The following USP33 variants were observed in gnomAD, a reference collection of about 807,000 sequenced individuals.
USP33 encodes the protein ubiquitin specific peptidase 33, also known as ubiquitin carboxyl-terminal hydrolase 33.
Under a neutral mutation model 124.2 loss-of-function variants are expected in USP33, and 46 were observed. The ratio of observed to expected loss-of-function variants is 0.37; its 90% CI spans 0.29 to 0.47. The LOEUF is 0.47. Ranked by LOEUF, USP33 falls within the 20% of genes least tolerant of loss-of-function variation. The pLI is 0.99. For missense variants in USP33, 851 were observed against 1,070.6 expected (o/e 0.79, Z 2.86); for synonymous variants, 350 against 352.3 (o/e 0.99, Z 0.07).
Position 77,746,222 on chromosome 1 carries a change from T to TA in USP33, c.-51-4475dup, listed in dbSNP as rs1679726561. Among the ~76,000 whole-genome samples, 4 of 152,174 alleles carry TA rather than the reference T, an allele frequency of 2.6e-5. No individual in the cohort carries two copies. The South Asian group carries it at 8.3e-4, about 32-fold the overall frequency. On this transcript the variant is annotated intron_variant, in intron 1 of 23. Transcript: ENST00000370794. ...GATATCACCACCAATCCCACAGAAATACAGACTACGATCAGAGAATACTAT... is the reference window on the plus strand; with the variant it reads ...GATATCACCACCAATCCCACAGAAATAACAGACTACGATCAGAGAATACTAT...
chr1:77,725,799 G>T (rs1019328647), intron 10 of USP33, 37 bp from the exon 11 acceptor site: 1 of 1,550,322 alleles, frequency 6.5e-7, no homozygotes, highest in Non-Finnish European at 8.8e-7. Flanking sequence ...ACCTTAAATA[G>T]TAAAATTATT....
intron 21 of USP33, among the ~76,000 whole-genome samples, chr1:77,706,011 C>A (rs116239067): frequency 0.022 from 3,352 of 152,294 alleles, 44 homozygotes; most frequent in Middle Eastern, 0.068. Flanking sequence ...TGCTGAGTAG[C>A]ATTTTATTAT....
chr1:77,718,152 G>A, intron 16 of USP33, 105 bp from the exon 17 acceptor site: 1 of 942,478 alleles, frequency 1.1e-6, no homozygotes, highest in East Asian at 2.6e-5. Context: ...AAGAAACTGA[G>A]GTGTTCAATC....
At chr1:77,713,728 C>T (rs930472050) in intron 19 of USP33, among the ~76,000 whole-genome samples, 1 of 151,842 alleles carries the variant, frequency 6.6e-6, no homozygotes, top group Non-Finnish European at 1.5e-5. Flanking sequence ...ACTCTGTCAC[C>T]CAGGCTGGAG....
intron 1 of USP33, among the ~76,000 whole-genome samples, chr1:77,751,163 T>G (rs1680297385): frequency 6.6e-6 from 1 of 152,218 alleles, no homozygotes; most frequent in Non-Finnish European, 1.5e-5. Flanking sequence ...TATCTGTTTG[T>G]CCTTATCTTT....
At chr1:77,723,954 G>T (rs541542080) in intron 11 of USP33, among the ~76,000 whole-genome samples, 1 of 151,590 alleles carries the variant, frequency 6.6e-6, no homozygotes, top group Non-Finnish European at 1.5e-5. Context: ...GTGAGCCACC[G>T]CACCCAGCCT....
At chr1:77,710,148 C>T (rs1369995715) in intron 21 of USP33, among the ~76,000 whole-genome samples, 5 of 152,166 alleles carry the variant, frequency 3.3e-5, no homozygotes, top group African/African-American at 2.4e-5. Flanking sequence ...AATGTCAGGC[C>T]AACATGGGCA....
At chr1:77,758,033 G>A (rs1374043278) in intron 1 of USP33, among the ~76,000 whole-genome samples, 1 of 151,944 alleles carries the variant, frequency 6.6e-6, no homozygotes, top group African/African-American at 2.4e-5. Flanking sequence ...TTACTGTTAA[G>A]TTATAAAAAG....
chr1:77,747,922 A>G (rs1679901777), intron 1 of USP33, among the ~76,000 whole-genome samples: 1 of 152,174 alleles, frequency 6.6e-6, no homozygotes, highest in East Asian at 1.9e-4. Flanking sequence ...ATCTGCACAT[A>G]TACTGGATTT....
At chr1:77,701,230 C>G in intron 22 of USP33, 139 bp downstream of exon 22, 1 of 580,162 alleles carries the variant, frequency 1.7e-6, no homozygotes, top group Non-Finnish European at 3.0e-6. Flanking sequence ...TAAACTAGAA[C>G]GTAAGATCCC....
At chr1:77,748,362 C>T (rs1249888845) in intron 1 of USP33, among the ~76,000 whole-genome samples, 1 of 152,066 alleles carries the variant, frequency 6.6e-6, no homozygotes, top group Non-Finnish European at 1.5e-5. Flanking sequence ...TCTATTCTTA[C>T]TTTACTTATT....
intron 22 of USP33, among the ~76,000 whole-genome samples, chr1:77,699,234 AAAC>A (rs1465494648): frequency 3.3e-5 from 5 of 152,152 alleles, no homozygotes; most frequent in Non-Finnish European, 5.9e-5. Flanking sequence ...AAAAGTCAAG[AAAC>A]AGGCTGGGCC....
intron 1 of USP33, among the ~76,000 whole-genome samples, chr1:77,755,696 A>G (rs1253089065): frequency 6.6e-6 from 1 of 152,234 alleles, no homozygotes; most frequent in African/African-American, 2.4e-5. Context: ...ACCCTTTCAC[A>G]AAAAAGTAAA....
chr1:77,728,815 C>T, intron 9 of USP33, 103 bp from the exon 10 acceptor site: 2 of 1,264,370 alleles, frequency 1.6e-6, no homozygotes, highest in Non-Finnish European at 2.2e-6. Context: ...TATGAAGGTA[C>T]AGCACTATAT....
intron 21 of USP33, among the ~76,000 whole-genome samples, chr1:77,705,683 A>T (rs528768756): frequency 3.2e-3 from 489 of 150,982 alleles, no homozygotes; most frequent in Non-Finnish European, 4.9e-3. Context: ...AAAAAAAAAA[A>T]TTTTATTAAG....
intron 21 of USP33, among the ~76,000 whole-genome samples, chr1:77,709,210 A>T (rs1674961215): frequency 6.6e-6 from 1 of 152,072 alleles, no homozygotes; most frequent in Non-Finnish European, 1.5e-5. Context: ...GTTATATGTT[A>T]CTGTAATTTA....
At chr1:77,715,305 C>A (rs1010384104) in intron 18 of USP33, among the ~76,000 whole-genome samples, 10 of 152,124 alleles carry the variant, frequency 6.6e-5, no homozygotes, top group Admixed American at 3.3e-4. Context: ...CCGCCGGGTT[C>A]AAGCGATTCT....
rs557585507 is a variant in USP33, at chr1:77,697,312, A to G, written c.*5T>C. On this transcript the variant is annotated 3_prime_UTR_variant, in exon 24 of 24. Coordinates refer to ENST00000370794, the MANE Select transcript of USP33 (RefSeq NM_201624.3). ...TCCTCATTAGAACTCTCTACATCCT[A>G]AAAATTACAAAGACCGAGTTTCTAC... The G allele has an allele frequency of 3.8e-6, 6 of 1,593,946 alleles. No individual in the cohort carries two copies. In the African/African-American group the frequency reaches 6.8e-5, roughly 18 times the overall value.
At chr1:77,736,859 C>T (rs895155295) in intron 5 of USP33, among the ~76,000 whole-genome samples, 6 of 152,090 alleles carry the variant, frequency 3.9e-5, no homozygotes, top group African/African-American at 1.4e-4. Flanking sequence ...CCGCCCACCT[C>T]GGCCTCCCAA....
Sources: gnomAD v4.1 joint callset for allele counts (sites outside exome capture counted in the v4.1 genomes callset) on GRCh38, gnomAD v4.1.1 for gene constraint, MANE v1.5 for transcripts, NCBI Gene and HGNC (gene_info 2026-07-23, HGNC 2026-07-21) for gene names.